ERI1: variants seen among roughly 807,000 people sequenced by gnomAD.
ERI1 encodes 3'-5' exoribonuclease 1.
In ERI1, 39 loss-of-function variants were observed where a neutral mutation model predicts 39.7. The observed-to-expected ratio is 0.98, with a 90% CI of 0.76 to 1.28. ERI1 has a LOEUF of 1.28. ERI1 is among the 50% of genes most tolerant of loss of function. The pLI is 0.00. For missense variants in ERI1, 581 were observed against 416.9 expected, an observed-to-expected ratio of 1.39 and a Z score of -3.43; for synonymous variants, 204 against 149.6, an observed-to-expected ratio of 1.36 and a Z score of -2.65.
intron 3 of ERI1, among the ~76,000 whole-genome samples, chr8:9,060,599 T>C (rs902711489): frequency 2.0e-5 from 3 of 152,128 alleles, no homozygotes; most frequent in Non-Finnish European, 2.9e-5. Flanking sequence ...GGTTATGAAA[T>C]GACCACAGAA....
chr8:9,067,537 C>G (rs924535379), intron 3 of ERI1, among the ~76,000 whole-genome samples: 1 of 151,762 alleles, frequency 6.6e-6, no homozygotes, highest in Non-Finnish European at 1.5e-5. Flanking sequence ...CACCTATTGT[C>G]CTAGCTACTT....
intron 3 of ERI1, among the ~76,000 whole-genome samples, chr8:9,013,346 T>G (rs1436634974): frequency 1.3e-5 from 2 of 148,924 alleles, no homozygotes; most frequent in African/African-American, 4.9e-5. Flanking sequence ...AAAAAAAAAT[T>G]AACACTGCAC....
rs1817526548 is a variant in ERI1, at chr8:9,018,385, A to T, written c.671A>T (p.Lys224Ile). 1 of 1,591,628 alleles carries T rather than the reference A, an allele frequency of 6.3e-7. No individual in the cohort carries two copies. Among genetic ancestry groups the T allele is most frequent in the Non-Finnish European group, 8.6e-7 (1 of 1,160,154 alleles). Reference sequence around the variant, plus strand: ...TTGAAGGAATTAGGAACAAAGTATAAATACTCACTTTTAACAGATGGGTAA... The same window carrying T: ...TTGAAGGAATTAGGAACAAAGTATATATACTCACTTTTAACAGATGGGTAA... ...MKLKELGTKY[K>I]YSLLTDGSWD... is the part of the protein sequence containing the mutation. The change falls in exon 5 of 7, where the codon AAA (lysine) becomes ATA (isoleucine). Residue 224 changes from lysine to isoleucine, a missense_variant. Lys to Ile is a moderately radical substitution (Grantham distance 102). Transcript: ENST00000250263.
At chr8:9,098,188 A>T (rs1346930134) in intron 3 of ERI1, among the ~76,000 whole-genome samples, 1 of 152,186 alleles carries the variant, frequency 6.6e-6, no homozygotes, top group Non-Finnish European at 1.5e-5. Flanking sequence ...GTATGAGACC[A>T]GCCTGGCAAA....
intron 4 of ERI1, among the ~76,000 whole-genome samples, chr8:9,017,106 C>T (rs181855229): frequency 1.3e-5 from 2 of 152,110 alleles, no homozygotes; most frequent in Non-Finnish European, 2.9e-5. Context: ...GTGGCACGAT[C>T]TTGGCTCACT....
intron 3 of ERI1, among the ~76,000 whole-genome samples, chr8:9,056,651 G>A (rs1361759340): frequency 6.6e-6 from 1 of 150,532 alleles, no homozygotes; most frequent in South Asian, 2.1e-4. Flanking sequence ...AGTCTAAAGT[G>A]CATTTTTTTC....
rs187388879 is a variant in ERI1, at chr8:9,013,449, C to G, written c.498+1697C>G. ...CCAGCCCTACTGGATTCCCCACTTG[C>G]AGTTTTCTTTGCTGGTTCCTCCTTT... On this transcript the variant is annotated intron_variant, in intron 3 of 6. Coordinates refer to ENST00000250263, the MANE Select transcript of ERI1 (RefSeq NM_153332.4). 1.1e-3 allele frequency among the ~76,000 whole-genome samples: 174 copies of G among 152,090 alleles called. 1 individual carries two copies. Among genetic ancestry groups the G allele is most frequent in the African/African-American group, 3.9e-3 (163 of 41,470 alleles).
At chr8:9,005,228 G>A (rs1421050811) in intron 1 of ERI1, among the ~76,000 whole-genome samples, 1 of 151,894 alleles carries the variant, frequency 6.6e-6, no homozygotes, top group Non-Finnish European at 1.5e-5. Context: ...TTTTTAAAAG[G>A]TAGTACCTAG....
chr8:9,059,321 C>A (rs1372122992), intron 3 of ERI1, among the ~76,000 whole-genome samples: 1 of 152,036 alleles, frequency 6.6e-6, no homozygotes, highest in Non-Finnish European at 1.5e-5. Flanking sequence ...ACATTCCTGT[C>A]TTCTTATATT....
chr8:9,036,413 A>C (rs139584724), downstream of ERI1, among the ~76,000 whole-genome samples: 3 of 152,358 alleles, frequency 2.0e-5, no homozygotes, highest in African/African-American at 2.4e-5. Context: ...ATCCTACACC[A>C]GCAAAAAGAT....
chr8:9,015,815 C>T (rs1412242052), intron 3 of ERI1, among the ~76,000 whole-genome samples: 1 of 150,868 alleles, frequency 6.6e-6, no homozygotes, highest in Non-Finnish European at 1.5e-5. Context: ...TCTTAAACTA[C>T]CTATATATCA....
At chr8:9,098,724 A>T (rs901468957) in intron 3 of ERI1, among the ~76,000 whole-genome samples, 1 of 151,398 alleles carries the variant, frequency 6.6e-6, no homozygotes, top group African/African-American at 2.4e-5. Context: ...CTATTGAAAT[A>T]AAAAAAAAAT....
chr8:9,097,937 G>A (rs1340266314), intron 3 of ERI1, among the ~76,000 whole-genome samples: 1 of 152,146 alleles, frequency 6.6e-6, no homozygotes, highest in East Asian at 1.9e-4. Flanking sequence ...ATACTACTCA[G>A]TCATAAAAAG....
chr8:9,026,683 A>G (rs1486263523), intron 6 of ERI1, among the ~76,000 whole-genome samples: 1 of 152,186 alleles, frequency 6.6e-6, no homozygotes, highest in East Asian at 1.9e-4. Context: ...CTGACATTGT[A>G]CTCAAAAGAA....
intron 3 of ERI1, among the ~76,000 whole-genome samples, chr8:9,080,009 AG>A (rs1799322751): frequency 7.1e-6 from 1 of 140,084 alleles, no homozygotes; most frequent in African/African-American, 2.7e-5. Context: ...AAAAAAAAAA[AG>A]TTTGAGTGAC....
intron 4 of ERI1, 92 bp from the exon 5 acceptor site, chr8:9,018,205 G>T: frequency 1.6e-6 from 1 of 640,478 alleles, no homozygotes; most frequent in Non-Finnish European, 2.8e-6. Flanking sequence ...TTCTCATACT[G>T]TTTCTTCCCC....
At chr8:9,071,002 G>A (rs1024224495) in intron 3 of ERI1, among the ~76,000 whole-genome samples, 43 of 152,204 alleles carry the variant, frequency 2.8e-4, no homozygotes, top group African/African-American at 9.4e-4. Context: ...CAGAGTGAAC[G>A]GGCTCTATCT....
intron 6 of ERI1, among the ~76,000 whole-genome samples, chr8:9,024,212 C>G (rs541035550): frequency 6.6e-6 from 1 of 152,050 alleles, no homozygotes; most frequent in African/African-American, 2.4e-5. Flanking sequence ...TGAAATAATT[C>G]GCTTAGGATG....
chr8:9,027,519 C>T (rs892729951), intron 6 of ERI1, among the ~76,000 whole-genome samples: 1 of 151,742 alleles, frequency 6.6e-6, no homozygotes, highest in African/African-American at 2.4e-5. Flanking sequence ...CTTTTGTTGC[C>T]TGTGTTTTGG....
Sources: allele counts gnomAD v4.1 joint callset (sites outside exome capture counted in the v4.1 genomes callset), GRCh38; gene constraint gnomAD v4.1.1; transcripts MANE v1.5; gene names NCBI Gene and HGNC (gene_info 2026-07-23, HGNC 2026-07-21).